PAPPA2: variants seen among roughly 807,000 people sequenced by gnomAD.
PAPPA2 encodes pappalysin-2.
In PAPPA2, 86 loss-of-function variants were observed where a neutral mutation model predicts 176.4. The observed-to-expected ratio is 0.49, with a 90% CI of 0.41 to 0.58. The LOEUF (loss-of-function observed/expected upper bound fraction) is 0.58, where lower values mean the gene tolerates loss of function less well. Among genes scored for constraint, PAPPA2 ranks in the 20% least tolerant of loss-of-function variants. The pLI is 0.00. For synonymous variants in PAPPA2, 809 were observed against 852.2 expected (o/e 0.95, Z 0.88); for missense variants, 2,073 against 2,256.9 (o/e 0.92, Z 1.65).
At chr1:176,567,678 G>T (rs186581819) in intron 2 of PAPPA2, among the ~76,000 whole-genome samples, 2 of 152,258 alleles carry the variant, frequency 1.3e-5, no homozygotes, top group East Asian at 3.9e-4. Flanking sequence ...ACTGTAAACG[G>T]ATTATTAAAT....
chr1:176,643,770 A>C (rs1159534216), intron 3 of PAPPA2, among the ~76,000 whole-genome samples: 1 of 151,882 alleles, frequency 6.6e-6, no homozygotes, highest in Admixed American at 6.6e-5. Flanking sequence ...CTCAGCCAAC[A>C]AACGATCCTC....
At chr1:176,656,367 G>T (rs1658031063) in intron 3 of PAPPA2, among the ~76,000 whole-genome samples, 1 of 151,744 alleles carries the variant, frequency 6.6e-6, no homozygotes, top group Admixed American at 6.6e-5. Flanking sequence ...CTGGTAGGCA[G>T]CAAAAAACAA....
intron 6 of PAPPA2, among the ~76,000 whole-genome samples, chr1:176,692,749 C>G (rs2102809229): frequency 6.6e-6 from 1 of 152,314 alleles, no homozygotes; most frequent in Non-Finnish European, 1.5e-5. Context: ...CCCACTGCCA[C>G]AAGCTGTGCA....
At chr1:176,736,507 T>G (rs909517607) in intron 12 of PAPPA2, among the ~76,000 whole-genome samples, 4 of 147,310 alleles carry the variant, frequency 2.7e-5, no homozygotes, top group Admixed American at 2.0e-4. Context: ...ATATATTTTA[T>G]GTATGTTAAA....
At chr1:176,840,324 A>G (rs1305852942) in intron 22 of PAPPA2, 53 bp downstream of exon 22, 4 of 1,399,284 alleles carry the variant, frequency 2.9e-6, no homozygotes, top group Non-Finnish European at 4.0e-6. Flanking sequence ...GAATAAAGGC[A>G]GGGTCTTCAG....
intron 21 of PAPPA2, among the ~76,000 whole-genome samples, chr1:176,815,939 CAG>C (rs1035514880): frequency 1.3e-5 from 2 of 151,752 alleles, no homozygotes; most frequent in African/African-American, 4.8e-5. Flanking sequence ...AGGTGAGTCT[CAG>C]AGGGATGCCT....
At chr1:176,645,303 C>T (rs1573186185) in intron 3 of PAPPA2, among the ~76,000 whole-genome samples, 1 of 151,696 alleles carries the variant, frequency 6.6e-6, no homozygotes, top group African/African-American at 2.4e-5. Context: ...TTTATGAGAT[C>T]CATGTTTATT....
intron 12 of PAPPA2, among the ~76,000 whole-genome samples, chr1:176,738,452 A>G (rs912371946): frequency 6.6e-6 from 1 of 152,142 alleles, no homozygotes. Context: ...GACAAGGAAG[A>G]ATTCTTGTTA....
rs1661573797 is a variant in PAPPA2, at chr1:176,720,583, T to C, written c.3798+8602T>C. On this transcript the variant is annotated intron_variant, in intron 12 of 22. Coordinates refer to ENST00000367662, the MANE Select transcript of PAPPA2 (RefSeq NM_020318.3). ...AGTTTGATTATGTGATTTCTCATTC[T>C]ATTAGTTTGTTAGTGTATTAGGGTT... Among the ~76,000 whole-genome samples, 3 of 152,176 alleles carry C rather than the reference T, an allele frequency of 2.0e-5. No homozygotes were observed. The South Asian group carries it at 6.2e-4, about 32-fold the overall frequency.
At position 176,712,279 on chromosome 1, in the gene PAPPA2, A is replaced by G. The variant is rs74127229; in HGVS notation, c.3798+298A>G. Reference sequence around the variant, plus strand: ...AAAGTGAACATCCTTTCTAATCACAACATAGATCAAGAAATAGGACATTCA... The same window carrying G: ...AAAGTGAACATCCTTTCTAATCACAGCATAGATCAAGAAATAGGACATTCA... On this transcript the variant is annotated intron_variant, in intron 12 of 22. Coordinates refer to ENST00000367662, the MANE Select transcript of PAPPA2 (RefSeq NM_020318.3). Among the ~76,000 whole-genome samples the G allele has an allele frequency of 6.6e-3, 1,007 of 152,294 alleles. 15 individuals carry two copies. Among genetic ancestry groups the G allele is most frequent in the African/African-American group, 0.021 (860 of 41,572 alleles).
chr1:176,486,550 A>G (rs1353890049), intron 1 of PAPPA2, among the ~76,000 whole-genome samples: 2 of 152,240 alleles, frequency 1.3e-5, no homozygotes, highest in African/African-American at 4.8e-5. Flanking sequence ...TTATGAAATT[A>G]AGAAAGACTT....
At position 176,710,067 on chromosome 1, in the gene PAPPA2, T is replaced by C. The variant is rs1341605662; in HGVS notation, c.3542T>C (p.Ile1181Thr). 3.1e-6 allele frequency: 5 copies of C among 1,613,768 alleles called. No individual in the cohort carries two copies. The highest frequency in any genetic ancestry group is 1.7e-5 in the Admixed American group (1 of 59,986). The change falls in exon 11 of 23, where the codon ATC (isoleucine) becomes ACC (threonine). Residue 1181 changes from isoleucine to threonine, a missense_variant. Physicochemically the swap from Ile to Thr is moderately conservative, Grantham distance 89 (BLOSUM62 -1). This residue lies in a region of PAPPA2 where 846 missense variants were observed against 857.9 expected (regional missense o/e 0.99). Transcript: ENST00000367662. The stretch of plus-strand genomic sequence containing the variant: ...AAAACCAGCATTGTAGACTGTGGCA[T>C]CTACACTCCCAAAGGATACTTGGAT... ...ERKTSIVDCG[I>T]YTPKGYLDQW...
At chr1:176,611,438 A>T (rs970016927) in intron 3 of PAPPA2, among the ~76,000 whole-genome samples, 1 of 152,222 alleles carries the variant, frequency 6.6e-6, no homozygotes, top group Non-Finnish European at 1.5e-5. Flanking sequence ...TTTTCATTAA[A>T]TGCTTGTAAT....
Position 176,674,953 on chromosome 1 carries a change from T to A in PAPPA2, c.2137+3838T>A, listed in dbSNP as rs559132745. 5.3e-5 allele frequency among the ~76,000 whole-genome samples: 8 copies of A among 152,214 alleles called. No individual in the cohort carries two copies. The East Asian group carries it at 1.5e-3, about 29-fold the overall frequency. ...CATCAACATCTATTATTTTTTGATT[T>A]TTTAAAAAAATTATGGCCTTTCTTG... On this transcript the variant is annotated intron_variant, in intron 4 of 22. Coordinates refer to ENST00000367662, the MANE Select transcript of PAPPA2 (RefSeq NM_020318.3).
chr1:176,570,486 C>G (rs1652256640), intron 2 of PAPPA2, among the ~76,000 whole-genome samples: 1 of 152,182 alleles, frequency 6.6e-6, no homozygotes, highest in Non-Finnish European at 1.5e-5. Flanking sequence ...CTAACCACAG[C>G]AGAGCTCTAT....
chr1:176,706,427 T>A lies in PAPPA2; in HGVS notation c.3434T>A (p.Leu1145Gln). Residue 1145 changes from leucine (L) to glutamine (Q), a missense_variant, in exon 10 of 23, where the codon CTG becomes CAG. Physicochemically the swap from Leu to Gln is moderately radical, Grantham distance 113. This residue lies in a region of PAPPA2 where 846 missense variants were observed against 857.9 expected (regional missense o/e 0.99). Transcript: ENST00000367662. ...GATGGCTGCTCCAAGGTGTGTGAGCTGGAGGAAGGTTTCAACTGTGTAGGT... is the reference window on the plus strand; with the variant it reads ...GATGGCTGCTCCAAGGTGTGTGAGCAGGAGGAAGGTTTCAACTGTGTAGGT... ...SGDGCSKVCE[L>Q]EEGFNCVGEP... 1 of 1,613,754 alleles carries A rather than the reference T, an allele frequency of 6.2e-7. No individual in the cohort carries two copies. Among genetic ancestry groups the A allele is most frequent in the Non-Finnish European group, 8.5e-7 (1 of 1,179,760 alleles).
intron 2 of PAPPA2, among the ~76,000 whole-genome samples, chr1:176,585,444 T>C (rs1160144992): frequency 6.6e-6 from 1 of 152,218 alleles, no homozygotes. Flanking sequence ...TTGGCAAAAC[T>C]CAAATATGCC....
At chr1:176,778,433 C>G (rs1017473979) in intron 17 of PAPPA2, among the ~76,000 whole-genome samples, 1 of 152,136 alleles carries the variant, frequency 6.6e-6, no homozygotes, top group Non-Finnish European at 1.5e-5. Flanking sequence ...AGACATTACC[C>G]AGATTTTTAG....
intron 4 of PAPPA2, among the ~76,000 whole-genome samples, chr1:176,678,409 A>T (rs1048148342): frequency 2.6e-5 from 4 of 151,828 alleles, no homozygotes; most frequent in East Asian, 3.9e-4. Context: ...TCATTTATTT[A>T]AAAAAAATCA....
Sources: allele counts gnomAD v4.1 joint callset (sites outside exome capture counted in the v4.1 genomes callset), GRCh38; gene constraint gnomAD v4.1.1; regional missense constraint gnomAD v4.1.1; transcripts MANE v1.5; gene names NCBI Gene and HGNC (gene_info 2026-07-23, HGNC 2026-07-21).